The following APEH variants were observed in gnomAD, a reference collection of about 807,000 sequenced individuals.
APEH encodes the protein acylamino-acid-releasing enzyme.
Under a neutral mutation model 102.7 loss-of-function variants are expected in APEH, and 75 were observed. The observed-to-expected ratio is 0.73, with a 90% CI of 0.61 to 0.89. The LOEUF is 0.89. Among genes scored for constraint, APEH ranks in the 40% least tolerant of loss-of-function variants. The pLI is 0.00. For synonymous variants in APEH, 344 were observed against 362.7 expected (o/e 0.95, Z 0.59); for missense variants, 863 against 941.2 (o/e 0.92, Z 1.09).
chr3:49,681,357 A>G lies in APEH; in HGVS notation c.1438+118A>G. ...GGGGTTTCTGGTGATGACCTCTAAG[A>G]GGTTTTCTGTTCCTCTTGTGGATGG... On this transcript the variant is annotated intron_variant, in intron 15 of 21. Coordinates refer to ENST00000296456, the MANE Select transcript of APEH (RefSeq NM_001640.4). 4 of 1,224,748 alleles carry G rather than the reference A, an allele frequency of 3.3e-6. No homozygotes were observed. The South Asian group carries it at 7.5e-5, about 23-fold the overall frequency. 75.9% of individuals were successfully genotyped at this position (1,224,748 alleles called of 1,614,324 possible).
At chr3:49,675,415 C>T in intron 3 of APEH, 106 bp downstream of exon 3, 1 of 1,484,996 alleles carries the variant, frequency 6.7e-7, no homozygotes, top group Non-Finnish European at 9.1e-7. Flanking sequence ...CAGCCAGGTT[C>T]TTGCCCCCTT....
At position 49,674,620 on chromosome 3, in the gene APEH, T is replaced by C; in HGVS notation, c.144T>C (p.Thr48=). 3 of 1,586,012 alleles carry C rather than the reference T, an allele frequency of 1.9e-6. No individual in the cohort carries two copies. The highest frequency in any genetic ancestry group is 3.5e-4 in the Middle Eastern group (2 of 5,792). ...QYGGQYRTVH[T]EWTQRDLERM... ...GCGGCCAATACCGGACGGTGCACAC[T>C]GGTGTGTGTGCGAAGGGGAACTGGC... Residue 48 remains threonine (T), a splice_region_variant and synonymous_variant, in exon 2 of 22, where the codon ACT becomes ACC. Coordinates refer to ENST00000296456, the MANE Select transcript of APEH (RefSeq NM_001640.4).
intron 13 of APEH, chr3:49,680,012 A>C: frequency 4.1e-6 from 1 of 241,970 alleles, no homozygotes; most frequent in South Asian, 5.1e-5. Context: ...AGGCAGAGGC[A>C]GCTCTGCCAC....
chr3:49,683,699 G>T lies in APEH; in HGVS notation c.*357G>T. Reference sequence around the variant, plus strand: ...GACTCTGTACCAGCCTAGCTTCCCTGCTGCAGCCCCTTCCATTAGCAACTA... The same window carrying T: ...GACTCTGTACCAGCCTAGCTTCCCTTCTGCAGCCCCTTCCATTAGCAACTA... On this transcript the variant is annotated 3_prime_UTR_variant, in exon 22 of 22. Coordinates refer to ENST00000296456, the MANE Select transcript of APEH (RefSeq NM_001640.4). 1 of 459,782 alleles carries T rather than the reference G, an allele frequency of 2.2e-6. No individual in the cohort carries two copies. The highest frequency in any genetic ancestry group is 3.9e-6 in the Non-Finnish European group (1 of 253,534). The allele number at this position is 459,782 out of a possible 1,614,324, so 28.5% of individuals were successfully genotyped here.
Position 49,675,877 on chromosome 3 carries a change from C to A in APEH, c.367-14C>A. On this transcript the variant is annotated splice_polypyrimidine_tract_variant and intron_variant, in intron 4 of 21. Coordinates refer to ENST00000296456, the MANE Select transcript of APEH (RefSeq NM_001640.4). Reference sequence around the variant, plus strand: ...TGTTAGCGGGCAAACAGCCTAATGCCCAGATGTCCTCAGGTCTGGGAGAAG... The same window carrying A: ...TGTTAGCGGGCAAACAGCCTAATGCACAGATGTCCTCAGGTCTGGGAGAAG... The A allele has an allele frequency of 2.5e-6, 4 of 1,614,120 alleles. No homozygotes were observed. Among genetic ancestry groups the A allele is most frequent in the Non-Finnish European group, 3.4e-6 (4 of 1,179,998 alleles).
At chr3:49,676,009 G>A in intron 5 of APEH, 43 bp downstream of exon 5, 1 of 1,613,878 alleles carries the variant, frequency 6.2e-7, no homozygotes, top group East Asian at 2.2e-5. Flanking sequence ...GACAGGAGGG[G>A]TAGCCGTAGC....
At chr3:49,678,707 G>A (rs971611692) in intron 11 of APEH, 145 bp from the exon 12 acceptor site, 2 of 691,570 alleles carry the variant, frequency 2.9e-6, no homozygotes, top group Non-Finnish European at 5.0e-6. Context: ...CGCGTAGCGT[G>A]CCCCCATGTG....
chr3:49,676,618 GC>G lies in APEH; in HGVS notation c.758del (p.Pro253LeufsTer55). 6.2e-7 allele frequency: 1 copy of G among 1,614,238 alleles called. No individual in the cohort carries two copies. The highest frequency in any genetic ancestry group is 1.1e-5 in the South Asian group (1 of 91,090). ...ENVSPGQAFW[A>X]PGDAGVVFVG... ...TTGATCCTGTTTACAGGCATTTTGG[GC>G]CCCTGGAGATGCTGGTGTGGTGTTT... On this transcript the variant is annotated frameshift_variant, in exon 8 of 22. Transcript: ENST00000296456. LOFTEE classifies it high-confidence loss of function.
In APEH at chr3:49,683,158, A is replaced by T; in HGVS notation, c.2093+12A>T. Reference sequence around the variant, plus strand: ...AATGTGCCTGTTCGGTGAGTGCAGCATGAAGGCCCTGGCAGCTGGTGGGCA... The same window carrying T: ...AATGTGCCTGTTCGGTGAGTGCAGCTTGAAGGCCCTGGCAGCTGGTGGGCA... On this transcript the variant is annotated intron_variant, in intron 21 of 21. Coordinates refer to ENST00000296456, the MANE Select transcript of APEH (RefSeq NM_001640.4). The T allele has an allele frequency of 6.2e-7, 1 of 1,613,296 alleles. No individual in the cohort carries two copies. The highest frequency in any genetic ancestry group is 1.1e-5 in the South Asian group (1 of 91,064).
Position 49,682,931 on chromosome 3 carries a change from A to G in APEH, c.1972A>G (p.Arg658Gly). 1 of 1,613,958 alleles carries G rather than the reference A, an allele frequency of 6.2e-7. No homozygotes were observed. Among genetic ancestry groups the G allele is most frequent in the Non-Finnish European group, 8.5e-7 (1 of 1,179,990 alleles). The change falls in exon 20 of 22, where the codon AGA becomes GGA. Residue 658 changes from arginine to glycine, a missense_variant. Coordinates refer to ENST00000296456, the MANE Select transcript of APEH (RefSeq NM_001640.4). The stretch of plus-strand genomic sequence containing the variant: ...TGAGATGCTGGACAAATCGCCCATC[A>G]GATACATCCCTCAGGTATGCAGCCC... ...WAEMLDKSPIRYIPQVKTPLL... is the reference protein window; with the variant it reads ...WAEMLDKSPIGYIPQVKTPLL...
rs558636691 is a variant in APEH, at chr3:49,681,502, C to T, written c.1439-220C>T. Among the ~76,000 whole-genome samples the T allele has an allele frequency of 4.8e-3, 724 of 152,372 alleles. 4 individuals are homozygous for T. Among genetic ancestry groups the T allele is most frequent in the Non-Finnish European group, 7.8e-3 (533 of 68,040 alleles). On this transcript the variant is annotated intron_variant, in intron 15 of 21. Transcript: ENST00000296456. ...CAAAGAAAATAGGCCTCATACAAGCCTCAGTGACCACACCTCATCCCGAAT... is the reference window on the plus strand; with the variant it reads ...CAAAGAAAATAGGCCTCATACAAGCTTCAGTGACCACACCTCATCCCGAAT...
In APEH at chr3:49,683,404, C is replaced by T. The variant is rs545130376; in HGVS notation, c.*62C>T. On this transcript the variant is annotated 3_prime_UTR_variant, in exon 22 of 22. Coordinates refer to ENST00000296456, the MANE Select transcript of APEH (RefSeq NM_001640.4). ...CACACTTCGCTCTTGAGGAGCTCAA[C>T]GGTCTGGCAGGGCAGCAGGAGGCTT... 56 of 1,459,284 alleles carry T rather than the reference C, an allele frequency of 3.8e-5. No homozygotes were observed. Among genetic ancestry groups the T allele is most frequent in the East Asian group, 2.5e-4 (11 of 44,048 alleles). 90.4% of individuals were successfully genotyped at this position (1,459,284 alleles called of 1,614,324 possible).
At position 49,679,708 on chromosome 3, in the gene APEH, G is replaced by A; in HGVS notation, c.1210+64G>A. 3.3e-6 allele frequency: 5 copies of A among 1,523,812 alleles called. No individual in the cohort carries two copies. Among genetic ancestry groups the A allele is most frequent in the Non-Finnish European group, 4.5e-6 (5 of 1,100,102 alleles). 94.4% of individuals were successfully genotyped at this position (1,523,812 alleles called of 1,614,324 possible). A position where few individuals can be genotyped will look rare whatever the true frequency, so the allele number is the denominator to read the frequency against. On this transcript the variant is annotated intron_variant, in intron 13 of 21. Coordinates refer to ENST00000296456, the MANE Select transcript of APEH (RefSeq NM_001640.4). This position sits in a 1 kb window ranked among gnomAD's most constrained non-coding sequence, Gnocchi z 4.3. ...GGTGAGCAAGCCAACCAGGCAGCGG[G>A]GGACTGGAGCTCCAACATGTGGGGC...
chr3:49,678,759 C>G (rs541562067), intron 11 of APEH, 93 bp from the exon 12 acceptor site: 8 of 1,056,332 alleles, frequency 7.6e-6, no homozygotes, highest in Non-Finnish European at 1.2e-5. Context: ...TGAGTAGGGC[C>G]CTGGGTGAAT....
rs759477991 is a variant in APEH at position 49,676,531 on chromosome 3, C to T, written c.744+16C>T. ...CCCTGGACAGGTCAGCAGCAACAGC[C>T]TGTGTCCCCCCTGGAGTCTGGGACC... On this transcript the variant is annotated intron_variant, in intron 7 of 21. Coordinates refer to ENST00000296456, the MANE Select transcript of APEH (RefSeq NM_001640.4). The T allele has an allele frequency of 3.7e-6, 6 of 1,614,136 alleles. No homozygotes were observed. In the East Asian group the frequency reaches 6.7e-5, roughly 18 times the overall value.
intron 14 of APEH, 91 bp from the exon 15 acceptor site, chr3:49,681,010 A>C: frequency 6.8e-7 from 1 of 1,469,802 alleles, no homozygotes; most frequent in Non-Finnish European, 9.1e-7. Flanking sequence ...AGGGCCCAGC[A>C]TAGTGAGAGC....
At chr3:49,680,330 C>G in intron 13 of APEH, 1 of 548,356 alleles carries the variant, frequency 1.8e-6, no homozygotes, top group African/African-American at 1.9e-5. Flanking sequence ...TTTGGCAGTT[C>G]CCAGCCCAGC....
chr3:49,679,524 G>A lies in APEH; in HGVS notation c.1159-69G>A. On this transcript the variant is annotated intron_variant, in intron 12 of 21. Coordinates refer to ENST00000296456, the MANE Select transcript of APEH (RefSeq NM_001640.4). This position sits in a 1 kb window ranked among gnomAD's most constrained non-coding sequence, Gnocchi z 4.3. Reference sequence around the variant, plus strand: ...CTCCAAGAGGGTAGAGAGGAGGTAGGGGAGGGACCCATAGGTAGAGGGAGT... The same window carrying A: ...CTCCAAGAGGGTAGAGAGGAGGTAGAGGAGGGACCCATAGGTAGAGGGAGT... The A allele has an allele frequency of 6.5e-7, 1 of 1,536,482 alleles. No individual in the cohort carries two copies. Among genetic ancestry groups the A allele is most frequent in the Non-Finnish European group, 9.0e-7 (1 of 1,111,362 alleles).
At position 49,681,252 on chromosome 3, in the gene APEH, AG is replaced by A; in HGVS notation, c.1438+17del. 6.5e-7 allele frequency: 1 copy of A among 1,535,478 alleles called. No individual in the cohort carries two copies. Among genetic ancestry groups the A allele is most frequent in the South Asian group, 1.2e-5 (1 of 80,616 alleles). On this transcript the variant is annotated intron_variant, in intron 15 of 21. Transcript: ENST00000296456. ...AATGTGCAGTATGGTGAGCTGGGCCAGGGGCAGAGGGATGCCTTCTCCAGGT... is the reference window on the plus strand; with the variant it reads ...AATGTGCAGTATGGTGAGCTGGGCCAGGGCAGAGGGATGCCTTCTCCAGGT...
Sources: gnomAD v4.1 joint callset for allele counts (sites outside exome capture counted in the v4.1 genomes callset) on GRCh38, gnomAD v4.1.1 for gene constraint, Gnocchi (gnomAD v3.1) non-coding constraint, MANE v1.5 for transcripts, NCBI Gene and HGNC (gene_info 2026-07-23, HGNC 2026-07-21) for gene names.